NPR3: variants seen among roughly 807,000 people sequenced by gnomAD.
NPR3 encodes natriuretic peptide receptor 3.
Under a neutral mutation model 54.5 loss-of-function variants are expected in NPR3, and 34 were observed. The ratio of observed to expected loss-of-function variants is 0.62; its 90% CI spans 0.47 to 0.83. The LOEUF is 0.83. NPR3 is among the 40% of genes least tolerant of loss of function. The probability of loss-of-function intolerance (pLI) is 0.00; values close to 1 mark genes in which losing one functional copy is unlikely to be tolerated. For synonymous variants in NPR3, 289 were observed against 297.1 expected, an observed-to-expected ratio of 0.97 and a Z score of 0.28; for missense variants, 674 against 720.8, an observed-to-expected ratio of 0.94 and a Z score of 0.74.
intron 3 of NPR3, among the ~76,000 whole-genome samples, chr5:32,752,394 A>G (rs1340758098): frequency 1.3e-5 from 2 of 152,172 alleles, no homozygotes; most frequent in Non-Finnish European, 2.9e-5. Context: ...TTTAATTGGA[A>G]TTGTATACTC....
chr5:32,710,654 A>G (rs1369508638), upstream of NPR3: 3 of 1,499,008 alleles, frequency 2.0e-6, no homozygotes, highest in Non-Finnish European at 2.7e-6. Context: ...CGGGCACACC[A>G]GGTCCGCGAT....
chr5:32,786,871 G>T lies in NPR3; in HGVS notation c.*526G>T, dbSNP rs1286335704. ...GTGGTTGAGGACTTCTCTGTCCGAT[G>T]TCTACATTCAGGTTCTGACTTCATA... On this transcript the variant is annotated 3_prime_UTR_variant, in exon 8 of 8. Transcript: ENST00000265074. The T allele has an allele frequency of 1.9e-5, 3 of 154,486 alleles. No individual in the cohort carries two copies. The highest frequency in any genetic ancestry group is 7.2e-5 in the African/African-American group (3 of 41,484). 9.6% of individuals were successfully genotyped at this position (154,486 alleles called of 1,614,324 possible).
chr5:32,745,985 C>T (rs1287580885), intron 3 of NPR3, among the ~76,000 whole-genome samples: 2 of 152,140 alleles, frequency 1.3e-5, no homozygotes, highest in East Asian at 3.9e-4. Context: ...TGACTGTGAG[C>T]TCTGGGGGCC....
At position 32,784,843 on chromosome 5, in the gene NPR3, T is replaced by C. The variant is rs1742525919; in HGVS notation, c.1474T>C (p.Leu492=). Reference sequence around the variant, plus strand: ...AGTGACAGGAATTGTCGTGGGGGCTTTACTAGGAGCTGGCTTGCTAATGGC... The same window carrying C: ...AGTGACAGGAATTGTCGTGGGGGCTCTACTAGGAGCTGGCTTGCTAATGGC... ...SAVTGIVVGA[L]LGAGLLMAFY... is the part of the protein sequence containing the mutation. Residue 492 remains leucine (L), a synonymous_variant, in exon 7 of 8, where the codon TTA becomes CTA. Coordinates refer to ENST00000265074, the MANE Select transcript of NPR3 (RefSeq NM_001204375.2). 1 of 1,613,838 alleles carries C rather than the reference T, an allele frequency of 6.2e-7. No homozygotes were observed. Among genetic ancestry groups the C allele is most frequent in the Non-Finnish European group, 8.5e-7 (1 of 1,179,806 alleles).
intron 1 of NPR3, among the ~76,000 whole-genome samples, chr5:32,703,363 TTA>T (rs1172566994): frequency 3.3e-5 from 5 of 150,628 alleles, no homozygotes; most frequent in African/African-American, 1.2e-4. Context: ...GAGCTGGCAC[TTA>T]AGCTTTGAGA....
At chr5:32,764,338 C>T (rs898536332) in intron 3 of NPR3, among the ~76,000 whole-genome samples, 1 of 152,024 alleles carries the variant, frequency 6.6e-6, no homozygotes, top group Non-Finnish European at 1.5e-5. Context: ...GCTTGAGTGC[C>T]AGCTGCCCCC....
intron 2 of NPR3, among the ~76,000 whole-genome samples, chr5:32,733,865 A>G (rs1273010263): frequency 6.6e-6 from 1 of 152,190 alleles, no homozygotes; most frequent in Non-Finnish European, 1.5e-5. Flanking sequence ...TAGAACACCC[A>G]AACTCTGATG....
At chr5:32,728,721 A>G (rs1739259455) in intron 2 of NPR3, among the ~76,000 whole-genome samples, 1 of 150,702 alleles carries the variant, frequency 6.6e-6, no homozygotes, top group South Asian at 2.1e-4. Context: ...GATATAAAAA[A>G]CTTGCAAAAA....
chr5:32,715,563 C>T (rs889758757), intron 1 of NPR3, among the ~76,000 whole-genome samples: 1 of 152,058 alleles, frequency 6.6e-6, no homozygotes, highest in Admixed American at 6.6e-5. Context: ...ATGTCTTTCG[C>T]TAATGCCACT....
In NPR3 at chr5:32,791,320, T is replaced by A. The variant is rs1742898747; in HGVS notation, c.*4975T>A. Reference sequence around the variant, plus strand: ...GGGATAGACCTTGTGACAGACCAATTCTGTGACCCCTGTCTTCTGGGTCAC... The same window carrying A: ...GGGATAGACCTTGTGACAGACCAATACTGTGACCCCTGTCTTCTGGGTCAC... On this transcript the variant is annotated 3_prime_UTR_variant, in exon 8 of 8. Transcript: ENST00000265074. 1 of 167,104 alleles carries A rather than the reference T, an allele frequency of 6.0e-6. No homozygotes were observed. The highest frequency in any genetic ancestry group is 1.5e-5 in the Non-Finnish European group (1 of 68,130). 10.4% of individuals were successfully genotyped at this position (167,104 alleles called of 1,614,324 possible).
Position 32,735,679 on chromosome 5 carries a change from T to C in NPR3, c.893-3185T>C, listed in dbSNP as rs116101452. On this transcript the variant is annotated intron_variant, in intron 2 of 7. Coordinates refer to ENST00000265074, the MANE Select transcript of NPR3 (RefSeq NM_001204375.2). The stretch of plus-strand genomic sequence containing the variant: ...GCTGATTCTCATCATATCACTCTTC[T>C]GTTCTGCTCATAAATCTCTAGAGGC... Among the ~76,000 whole-genome samples the C allele has an allele frequency of 7.9e-3, 1,209 of 152,266 alleles. 17 individuals carry two copies. The highest frequency in any genetic ancestry group is 0.028 in the African/African-American group (1,164 of 41,540).
At chr5:32,731,132 A>G (rs540202991) in intron 2 of NPR3, among the ~76,000 whole-genome samples, 4 of 152,334 alleles carry the variant, frequency 2.6e-5, no homozygotes, top group African/African-American at 7.2e-5. Context: ...GTAAGAAGCC[A>G]TACTATATGA....
At chr5:32,755,249 C>T (rs542284310) in intron 3 of NPR3, among the ~76,000 whole-genome samples, 12 of 152,252 alleles carry the variant, frequency 7.9e-5, no homozygotes, top group East Asian at 1.9e-4. Context: ...ATATTCATTT[C>T]GATCTTAGGT....
At chr5:32,724,594 C>A in intron 1 of NPR3, 104 bp from the exon 2 acceptor site, 1 of 1,335,970 alleles carries the variant, frequency 7.5e-7, no homozygotes, top group Non-Finnish European at 1.1e-6. Flanking sequence ...ACTTCAGGAC[C>A]ATATAAGTAT....
chr5:32,718,478 A>G (rs1455718336), intron 1 of NPR3, among the ~76,000 whole-genome samples: 1 of 152,120 alleles, frequency 6.6e-6, no homozygotes, highest in African/African-American at 2.4e-5. Flanking sequence ...ATGAGCATGG[A>G]ATATTCTTTC....
intron 3 of NPR3, among the ~76,000 whole-genome samples, chr5:32,753,785 C>T (rs550660910): frequency 6.6e-6 from 1 of 152,232 alleles, no homozygotes; most frequent in East Asian, 1.9e-4. Context: ...ATTTTGCTGT[C>T]AGTCACAGGA....
intron 7 of NPR3, among the ~76,000 whole-genome samples, chr5:32,785,397 T>C (rs984425989): frequency 6.6e-6 from 1 of 152,080 alleles, no homozygotes; most frequent in Non-Finnish European, 1.5e-5. Flanking sequence ...GTGATCCATC[T>C]ACCTCGACCT....
Position 32,711,475 on chromosome 5 carries a change from T to A in NPR3, c.-302T>A. 5 of 1,123,918 alleles carry A rather than the reference T, an allele frequency of 4.4e-6. No homozygotes were observed. The highest frequency in any genetic ancestry group is 5.4e-6 in the Non-Finnish European group (5 of 921,482). 69.6% of individuals were successfully genotyped at this position (1,123,918 alleles called of 1,614,324 possible). Reference sequence around the variant, plus strand: ...CCACCTCTAAGCAAAATAGTATATGTATAAACGGAGGGCGAATATATACAA... The same window carrying A: ...CCACCTCTAAGCAAAATAGTATATGAATAAACGGAGGGCGAATATATACAA... On this transcript the variant is annotated 5_prime_UTR_variant, in exon 1 of 8. Coordinates refer to ENST00000265074, the MANE Select transcript of NPR3 (RefSeq NM_001204375.2).
rs371624453 is a variant in NPR3, at chr5:32,782,960, G to T, written c.1358G>T (p.Gly453Val). ...EMRPNVKYPW[G>V]PLKLRIDENR... ...CGGCCGAATGTCAAATATCCTTGGG[G>T]CCCTTTAAAACTGAGAATAGATGAA... The change falls in exon 6 of 8, where the codon GGC becomes GTC. Residue 453 changes from glycine (G) to valine (V), a missense_variant. Coordinates refer to ENST00000265074, the MANE Select transcript of NPR3 (RefSeq NM_001204375.2). 6.2e-7 allele frequency: 1 copy of T among 1,610,192 alleles called. No individual in the cohort carries two copies. Among genetic ancestry groups the T allele is most frequent in the Non-Finnish European group, 8.5e-7 (1 of 1,177,850 alleles).
Sources: allele counts gnomAD v4.1 joint callset (sites outside exome capture counted in the v4.1 genomes callset), GRCh38; gene constraint gnomAD v4.1.1; transcripts MANE v1.5; gene names NCBI Gene and HGNC (gene_info 2026-07-23, HGNC 2026-07-21).